FBXL18: variants seen among roughly 807,000 people sequenced by gnomAD.
The protein encoded by FBXL18 is F-box and leucine rich repeat protein 18, also known as F-box/LRR-repeat protein 18.
FBXL18 carries 36 observed loss-of-function variants against 46.0 expected under a neutral mutation model. That is an observed-to-expected ratio of 0.78 (90% CI 0.60 to 1.03). The LOEUF is 1.03. Among genes scored for constraint, FBXL18 ranks in the 50% least tolerant of loss-of-function variants. FBXL18 has a pLI of 0.00. For missense variants in FBXL18, 977 were observed against 1,004.1 expected (o/e 0.97, Z 0.36); for synonymous variants, 557 against 465.3 (o/e 1.20, Z -2.54).
chr7:5,486,404 C>T (rs958052419), intron 4 of FBXL18, among the ~76,000 whole-genome samples: 5 of 150,510 alleles, frequency 3.3e-5, no homozygotes, highest in Admixed American at 6.6e-5. Flanking sequence ...GGGAAACGAG[C>T]GAAACTCTGT....
At chr7:5,463,717 TTTATTTATTTA>T in intron 4 of FBXL18, among the ~76,000 whole-genome samples, 1 of 71,728 alleles carries the variant, frequency 1.4e-5, no homozygotes, top group Admixed American at 1.8e-4. Flanking sequence ...TATTTATTTA[TTTATTTATTTA>T]TTTTTTTTTT....
chr7:5,488,420 A>G (rs895816408), intron 4 of FBXL18, among the ~76,000 whole-genome samples: 1 of 152,184 alleles, frequency 6.6e-6, no homozygotes, highest in Non-Finnish European at 1.5e-5. Flanking sequence ...CCCCGTCATG[A>G]GCACAGCCGT....
chr7:5,492,750 C>A (rs1783963324), intron 3 of FBXL18, among the ~76,000 whole-genome samples: 1 of 152,086 alleles, frequency 6.6e-6, no homozygotes, highest in African/African-American at 2.4e-5. Context: ...CAGGTCACAA[C>A]AGAGGCAGAG....
chr7:5,506,256 C>CT (rs200542556), intron 1 of FBXL18, among the ~76,000 whole-genome samples: 12,093 of 100,650 alleles, frequency 0.12, 490 homozygotes, highest in Admixed American at 0.15. Context: ...TTTTTTTTTT[C>CT]TTTTTTTTTT....
rs920265408 is a variant in FBXL18 at position 5,455,536 on chromosome 7, T to G, written c.2001-7693A>C. Among the ~76,000 whole-genome samples, 8 of 152,078 alleles carry G rather than the reference T, an allele frequency of 5.3e-5. No individual in the cohort carries two copies. The highest frequency in any genetic ancestry group is 8.8e-5 in the Non-Finnish European group (6 of 67,992). ...CAAGCCCAGCCCCTCCTGTCCTCCC[T>G]GATTCCCCACAGGACAGTGCCATCC... On this transcript the variant is annotated intron_variant and NMD_transcript_variant, in intron 4 of 6. Coordinates refer to the FBXL18 transcript ENST00000415009. This position sits in a 1 kb window ranked among gnomAD's most constrained non-coding sequence, Gnocchi z 4.6.
At chr7:5,470,018 G>A (rs1562675642) in intron 4 of FBXL18, among the ~76,000 whole-genome samples, 1 of 152,130 alleles carries the variant, frequency 6.6e-6, no homozygotes. Flanking sequence ...GGTATGAACG[G>A]GCGTGGGCGT....
intron 4 of FBXL18, among the ~76,000 whole-genome samples, chr7:5,462,182 C>A (rs926259450): frequency 6.6e-6 from 1 of 152,090 alleles, no homozygotes; most frequent in Non-Finnish European, 1.5e-5. Context: ...GACCCAAGAT[C>A]GCACCACTGC....
intron 1 of FBXL18, 40 bp downstream of exon 1, chr7:5,513,617 G>C (rs1463288605): frequency 5.6e-6 from 9 of 1,609,836 alleles, no homozygotes; most frequent in Non-Finnish European, 7.6e-6. Context: ...GACCGAGGCC[G>C]CCGAGGCAGA....
Position 5,491,434 on chromosome 7 carries a change from G to A in FBXL18, c.1797C>T (p.Tyr599=), listed in dbSNP as rs1783923994. The part of the protein sequence containing the change: ...RLRDLRLEQP[Y]FSANAQFFQA... ...GGAAGAACTGGGCGTTGGCGCTGAAGTAGGGCTGCTCCAGCCTGCGGGGAG... is the reference window on the plus strand; with the variant it reads ...GGAAGAACTGGGCGTTGGCGCTGAAATAGGGCTGCTCCAGCCTGCGGGGAG... Residue 599 remains tyrosine, a synonymous_variant, in exon 4 of 5, where the codon TAC becomes TAT. Transcript: ENST00000382368. 2 of 1,589,216 alleles carry A rather than the reference G, an allele frequency of 1.3e-6. No individual in the cohort carries two copies.
At chr7:5,505,940 C>T (rs570906783) in intron 1 of FBXL18, among the ~76,000 whole-genome samples, 198 of 152,342 alleles carry the variant, frequency 1.3e-3, no homozygotes, top group Non-Finnish European at 2.5e-3. Context: ...TCTCGGCTCA[C>T]TGCAACCTCC....
chr7:5,507,999 T>G (rs1784434869), intron 1 of FBXL18, among the ~76,000 whole-genome samples: 1 of 152,004 alleles, frequency 6.6e-6, no homozygotes, highest in South Asian at 2.1e-4. Flanking sequence ...CCAGACGTGG[T>G]GGCTCACGCC....
chr7:5,504,788 C>T (rs1306170243), intron 2 of FBXL18, among the ~76,000 whole-genome samples: 19 of 149,222 alleles, frequency 1.3e-4, no homozygotes, highest in African/African-American at 3.9e-4. Context: ...TGGTGGCGGG[C>T]GCCTGTAGTC....
chr7:5,479,191 C>T lies in FBXL18; in HGVS notation c.*2584G>A, dbSNP rs1295532690. On this transcript the variant is annotated 3_prime_UTR_variant, in exon 5 of 5. Transcript: ENST00000382368. Reference sequence around the variant, plus strand: ...GGGTGCTTTCCAAGGCACTGCACCCCAGCCTCAGGAACAGCCCTTCCCCCA... The same window carrying T: ...GGGTGCTTTCCAAGGCACTGCACCCTAGCCTCAGGAACAGCCCTTCCCCCA... The T allele has an allele frequency of 6.6e-6, 1 of 152,100 alleles. No individual in the cohort carries two copies. The highest frequency in any genetic ancestry group is 1.5e-5 in the Non-Finnish European group (1 of 68,036). 9.4% of individuals were successfully genotyped at this position (152,100 alleles called of 1,614,324 possible). A position where few individuals can be genotyped will look rare whatever the true frequency, so the allele number is the denominator to read the frequency against.
At chr7:5,469,327 G>C (rs111664735) in intron 4 of FBXL18, among the ~76,000 whole-genome samples, 1 of 152,204 alleles carries the variant, frequency 6.6e-6, no homozygotes. Flanking sequence ...CAGAAGAATC[G>C]CTTGAACTCC....
Position 5,496,576 on chromosome 7 carries a change from A to G in FBXL18, c.1781+3912T>C, listed in dbSNP as rs1784086451. On this transcript the variant is annotated intron_variant, in intron 3 of 4. Transcript: ENST00000382368. This position sits in a 1 kb window ranked among gnomAD's most constrained non-coding sequence, Gnocchi z 4.8. ...GCTTGGCTTAGGCCCATCAACTAGG[A>G]GGCCACACTTAACAGACTCTCCGGA... is the stretch of plus-strand genomic sequence containing the variant. Among the ~76,000 whole-genome samples, 1 of 152,186 alleles carries G rather than the reference A, an allele frequency of 6.6e-6. No individual in the cohort carries two copies. The highest frequency in any genetic ancestry group is 2.1e-4 in the South Asian group (1 of 4,830).
At chr7:5,492,068 G>A (rs1453984144) in intron 3 of FBXL18, among the ~76,000 whole-genome samples, 2 of 151,404 alleles carry the variant, frequency 1.3e-5, no homozygotes, top group Admixed American at 6.6e-5. Flanking sequence ...GCCGAGGGGA[G>A]TGGGGCCAAG....
rs532591407 is a variant in FBXL18, at chr7:5,491,242, C to T, written c.1989G>A (p.Ser663=). Residue 663 remains serine (S), a synonymous_variant, in exon 4 of 5, where the codon TCG becomes TCA. Coordinates refer to ENST00000382368, the MANE Select transcript of FBXL18 (RefSeq NM_024963.6). The part of the protein sequence containing the change: ...SLATCKSLQQ[S]LLRSFQAERP... ...CCCACATCACTCACCTGCGGAGAAG[C>T]GACTGCTGCAGGCTCTTGCAGGTGG... The T allele has an allele frequency of 1.6e-5, 26 of 1,611,818 alleles. No individual in the cohort carries two copies. The South Asian group carries it at 2.1e-4, about 13-fold the overall frequency.
intron 4 of FBXL18, among the ~76,000 whole-genome samples, chr7:5,466,427 T>C (rs1783341604): frequency 1.3e-5 from 2 of 152,176 alleles, no homozygotes. Context: ...ACTCCTTGGC[T>C]GGAGGGAGGA....
At chr7:5,471,697 G>T (rs1329539411), downstream of FBXL18, among the ~76,000 whole-genome samples, 1 of 152,152 alleles carries the variant, frequency 6.6e-6, no homozygotes, top group Middle Eastern at 3.2e-3. Flanking sequence ...TACTTTAAAG[G>T]CTCGCCACAT....
Sources: allele counts gnomAD v4.1 joint callset (sites outside exome capture counted in the v4.1 genomes callset), GRCh38; gene constraint gnomAD v4.1.1; non-coding constraint Gnocchi (gnomAD v3.1); transcripts MANE v1.5; gene names NCBI Gene and HGNC (gene_info 2026-07-23, HGNC 2026-07-21).